The following SHBG variants were observed in gnomAD, a reference collection of about 807,000 sequenced individuals.
SHBG encodes the protein sex hormone-binding globulin.
Under a neutral mutation model 41.9 loss-of-function variants are expected in SHBG, and 37 were observed. That is an observed-to-expected ratio of 0.88 (90% confidence interval 0.68 to 1.16). The LOEUF is 1.16. Ranked by LOEUF, SHBG falls within the 50% of genes most tolerant of loss-of-function variation. SHBG has a pLI of 0.00. For synonymous variants in SHBG, 217 were observed against 205.8 expected (o/e 1.05, Z -0.47); for missense variants, 466 against 499.9 (o/e 0.93, Z 0.65).
rs761747812 is a variant in SHBG at position 7,631,630 on chromosome 17, G to C, written c.597G>C (p.Trp199Cys). The C allele has an allele frequency of 3.1e-6, 5 of 1,614,082 alleles. No individual in the cohort carries two copies. In the South Asian group the frequency reaches 5.5e-5, roughly 18 times the overall value. ...ALDGCLRRDS[W>C]LDKQAEISAS... ...ATGGCTGCCTGCGCCGGGATTCCTG[G>C]CTGGACAAACAGGCCGAGATCTCAG... is the stretch of plus-strand genomic sequence containing the variant. The change falls in exon 5 of 8, where the codon TGG becomes TGC. Residue 199 changes from tryptophan to cysteine, a missense_variant. Physicochemically the swap from Trp to Cys is radical, Grantham distance 215. Transcript: ENST00000380450.
intron 1 of SHBG, among the ~76,000 whole-genome samples, chr17:7,616,555 G>A (rs2071994920): frequency 6.6e-6 from 1 of 151,752 alleles, no homozygotes; most frequent in Non-Finnish European, 1.5e-5. Flanking sequence ...AACCCAGGAG[G>A]CGGAGGTTGC....
At chr17:7,617,945 G>T (rs921503095) in intron 1 of SHBG, among the ~76,000 whole-genome samples, 2 of 147,472 alleles carry the variant, frequency 1.4e-5, no homozygotes, top group Non-Finnish European at 3.0e-5. Flanking sequence ...TTAGCTGGGT[G>T]CGGCGGCTCA....
chr17:7,630,643 C>A lies in SHBG; in HGVS notation c.204-37C>A. On this transcript the variant is annotated intron_variant, in intron 2 of 7. Coordinates refer to ENST00000380450, the MANE Select transcript of SHBG (RefSeq NM_001040.5). This position sits in a 1 kb window ranked among gnomAD's most constrained non-coding sequence, Gnocchi z 4.6. ...AACCCACACTGGTTCTCAAAGGACACATGACATACACAATCTTTCCTTCTG... is the reference window on the plus strand; with the variant it reads ...AACCCACACTGGTTCTCAAAGGACAAATGACATACACAATCTTTCCTTCTG... 1 of 1,590,860 alleles carries A rather than the reference C, an allele frequency of 6.3e-7. No individual in the cohort carries two copies. Among genetic ancestry groups the A allele is most frequent in the Non-Finnish European group, 8.6e-7 (1 of 1,159,892 alleles).
At chr17:7,616,664 G>A (rs945083021) in intron 1 of SHBG, among the ~76,000 whole-genome samples, 1 of 151,574 alleles carries the variant, frequency 6.6e-6, no homozygotes, top group Admixed American at 6.6e-5. Flanking sequence ...GTGGCCCGGC[G>A]CGGTGGCTCA....
chr17:7,618,141 C>A (rs886071461), intron 1 of SHBG, among the ~76,000 whole-genome samples: 9 of 151,858 alleles, frequency 5.9e-5, no homozygotes, highest in Non-Finnish European at 8.8e-5. Context: ...ATCTCTTGAA[C>A]TTGGGAGGCT....
Position 7,630,918 on chromosome 17 carries a change from G to A in SHBG, c.393+49G>A. 1.3e-6 allele frequency: 2 copies of A among 1,571,710 alleles called. No homozygotes were observed. Among genetic ancestry groups the A allele is most frequent in the Non-Finnish European group, 1.7e-6 (2 of 1,147,238 alleles). On this transcript the variant is annotated intron_variant, in intron 3 of 7. Coordinates refer to ENST00000380450, the MANE Select transcript of SHBG (RefSeq NM_001040.5). The surrounding 1 kb of genome is among the most constrained non-coding windows in gnomAD (Gnocchi z 4.6). ...GGAGGGATGTCTGGAGCTGGTCTGA[G>A]GAAAGGGAACAAAACCAAGTTATTG...
At chr17:7,617,372 C>A (rs1237818411) in intron 1 of SHBG, among the ~76,000 whole-genome samples, 1 of 151,794 alleles carries the variant, frequency 6.6e-6, no homozygotes, top group Non-Finnish European at 1.5e-5. Context: ...GAGGCTGAGG[C>A]GGGTGGATCA....
chr17:7,626,987 C>T (rs781342459), upstream of SHBG: 32 of 1,613,798 alleles, frequency 2.0e-5, no homozygotes, highest in Non-Finnish European at 2.5e-5. Context: ...ATAAATGGTG[C>T]GTCCCTTCCA....
At position 7,630,343 on chromosome 17, in the gene SHBG, G is replaced by A. The variant is rs746644217; in HGVS notation, c.111+60G>A. On this transcript the variant is annotated intron_variant, in intron 1 of 7. Transcript: ENST00000380450. The surrounding 1 kb of genome is among the most constrained non-coding windows in gnomAD (Gnocchi z 4.6). ...GTCTTCCCTTCTCTCCTCTGGCCCT[G>A]TAGCAGGGCCTCTCCCTCTGTCTGT... The A allele has an allele frequency of 3.8e-6, 6 of 1,591,028 alleles. No homozygotes were observed. The Admixed American group carries it at 6.7e-5, about 18-fold the overall frequency.
At chr17:7,617,341 C>G (rs2072011596) in intron 1 of SHBG, among the ~76,000 whole-genome samples, 1 of 152,040 alleles carries the variant, frequency 6.6e-6, no homozygotes, top group Non-Finnish European at 1.5e-5. Flanking sequence ...AGGGCTCATG[C>G]CTGTAATCCC....
At chr17:7,626,976 G>A, upstream of SHBG, 1 of 1,614,006 alleles carries the variant, frequency 6.2e-7, no homozygotes, top group Non-Finnish European at 8.5e-7. Flanking sequence ...ATATCCTCCA[G>A]ATAAATGGTG....
chr17:7,620,984 T>C (rs1231646690), intron 1 of SHBG, among the ~76,000 whole-genome samples: 1 of 147,356 alleles, frequency 6.8e-6, no homozygotes, highest in Non-Finnish European at 1.5e-5. Context: ...TGATCCCAGA[T>C]ACTTGAGAGG....
upstream of SHBG, among the ~76,000 whole-genome samples, chr17:7,623,829 G>A (rs1373664669): frequency 2.0e-5 from 3 of 150,602 alleles, no homozygotes; most frequent in Non-Finnish European, 3.0e-5. Context: ...TGGCACAAAC[G>A]TGACTCACTT....
chr17:7,614,409 A>C, intron 1 of SHBG: 1 of 1,383,150 alleles, frequency 7.2e-7, no homozygotes, highest in Non-Finnish European at 9.9e-7. Flanking sequence ...CGGCCAGGGG[A>C]GGGGGCTAAG....
In SHBG at chr17:7,631,375, A is replaced by G. The variant is rs758453432; in HGVS notation, c.555+14A>G. 8 of 1,611,356 alleles carry G rather than the reference A, an allele frequency of 5.0e-6. No homozygotes were observed. The Admixed American group carries it at 1.3e-4, about 27-fold the overall frequency. ...CTTCGGTTGCCGGTAACTACACCCCAGGGGTGGAACCCTAGCCAAGACTTG... is the reference window on the plus strand; with the variant it reads ...CTTCGGTTGCCGGTAACTACACCCCGGGGGTGGAACCCTAGCCAAGACTTG... On this transcript the variant is annotated intron_variant, in intron 4 of 7. Coordinates refer to ENST00000380450, the MANE Select transcript of SHBG (RefSeq NM_001040.5).
At chr17:7,620,230 C>T (rs957010985) in intron 1 of SHBG, among the ~76,000 whole-genome samples, 1 of 152,172 alleles carries the variant, frequency 6.6e-6, no homozygotes, top group African/African-American at 2.4e-5. Flanking sequence ...CTTTGGGAGG[C>T]CAAAGTGGGA....
chr17:7,631,858 G>A, intron 5 of SHBG, 21 bp from the exon 6 acceptor site: 1 of 1,614,022 alleles, frequency 6.2e-7, no homozygotes, highest in Non-Finnish European at 8.5e-7. Flanking sequence ...GAGGCCTCAG[G>A]ATAATCATTT....
chr17:7,615,846 A>G (rs537513439), intron 1 of SHBG, among the ~76,000 whole-genome samples: 34 of 151,246 alleles, frequency 2.2e-4, no homozygotes, highest in East Asian at 1.6e-3. Context: ...AAAAAAAAAA[A>G]AAAGAAAGAA....
chr17:7,627,160 G>A (rs768116003), upstream of SHBG: 10 of 1,614,000 alleles, frequency 6.2e-6, no homozygotes, highest in Non-Finnish European at 8.5e-6. This position sits in a 1 kb window ranked among gnomAD's most constrained non-coding sequence, Gnocchi z 4.8. Context: ...CTTCCCGGGC[G>A]CTGGAAGAAT....
Sources: allele counts gnomAD v4.1 joint callset (sites outside exome capture counted in the v4.1 genomes callset), GRCh38; gene constraint gnomAD v4.1.1; non-coding constraint Gnocchi (gnomAD v3.1); transcripts MANE v1.5; gene names NCBI Gene and HGNC (gene_info 2026-07-23, HGNC 2026-07-21).